The following CSMD1 variants were observed in gnomAD, a reference collection of about 807,000 sequenced individuals.
CSMD1 encodes CUB and sushi domain-containing protein 1.
In CSMD1, 213 loss-of-function variants were observed where a neutral mutation model predicts 417.5. That is an observed-to-expected ratio of 0.51 (90% CI 0.46 to 0.57). The LOEUF (loss-of-function observed/expected upper bound fraction) is 0.57. Ranked by LOEUF, CSMD1 falls within the 20% of genes least tolerant of loss-of-function variation. The pLI, the probability that CSMD1 is intolerant of heterozygous loss-of-function variation, is 0.00. For synonymous variants in CSMD1, 2,862 were observed against 1,736.8 expected, an observed-to-expected ratio of 1.65 and a Z score of -16.11; for missense variants, 6,923 against 4,529.7, an observed-to-expected ratio of 1.53 and a Z score of -15.17.
chr8:3,327,562 C>G (rs74714013), intron 23 of CSMD1, among the ~76,000 whole-genome samples: 1 of 152,122 alleles, frequency 6.6e-6, no homozygotes, highest in Admixed American at 6.5e-5. Context: ...TCTTTCTCCA[C>G]AACTGAATGT....
intron 36 of CSMD1, among the ~76,000 whole-genome samples, chr8:3,184,175 G>A (rs1317560885): frequency 1.3e-5 from 2 of 152,054 alleles, no homozygotes; most frequent in African/African-American, 2.4e-5. Context: ...CTGTATCATA[G>A]GCCTGGGATG....
chr8:4,290,355 C>G (rs372049841), intron 3 of CSMD1, among the ~76,000 whole-genome samples: 3 of 152,114 alleles, frequency 2.0e-5, no homozygotes, highest in East Asian at 1.9e-4. Flanking sequence ...TCTATGACAT[C>G]TGAATGGAGG....
intron 5 of CSMD1, among the ~76,000 whole-genome samples, chr8:3,837,510 G>C (rs949093561): frequency 1.3e-5 from 2 of 152,058 alleles, no homozygotes; most frequent in Admixed American, 1.3e-4. Flanking sequence ...GAGATCCTGA[G>C]GATGCAGAGA....
At chr8:3,468,903 G>A in intron 11 of CSMD1, 79 bp from the exon 12 acceptor site, 1 of 860,114 alleles carries the variant, frequency 1.2e-6, no homozygotes, top group Non-Finnish European at 1.8e-6. Flanking sequence ...GGGTCTTGCT[G>A]CTTTAAACAG....
chr8:3,480,736 A>T (rs972551542), intron 11 of CSMD1, among the ~76,000 whole-genome samples: 1 of 152,194 alleles, frequency 6.6e-6, no homozygotes, highest in East Asian at 1.9e-4. Context: ...TGATTTTCCC[A>T]TTTGGGATCA....
At chr8:4,970,325 G>T (rs920990119) in intron 1 of CSMD1, among the ~76,000 whole-genome samples, 10 of 152,012 alleles carry the variant, frequency 6.6e-5, no homozygotes, top group African/African-American at 2.2e-4. Flanking sequence ...TGTGGCAAGG[G>T]GATGTGTATT....
At chr8:3,681,601 A>G (rs1467948267) in intron 7 of CSMD1, among the ~76,000 whole-genome samples, 1 of 152,240 alleles carries the variant, frequency 6.6e-6, no homozygotes, top group Non-Finnish European at 1.5e-5. Flanking sequence ...TATCGTCAAA[A>G]TGGCCATACT....
intron 11 of CSMD1, among the ~76,000 whole-genome samples, chr8:3,490,612 T>G (rs969901005): frequency 3.3e-5 from 5 of 152,156 alleles, no homozygotes; most frequent in African/African-American, 1.2e-4. Flanking sequence ...AAAAGTTTAT[T>G]ATACATATTT....
chr8:4,489,417 G>C (rs988190476), intron 2 of CSMD1, among the ~76,000 whole-genome samples: 2 of 152,170 alleles, frequency 1.3e-5, no homozygotes, highest in African/African-American at 4.8e-5. Flanking sequence ...ATTCTTCAAA[G>C]TGATGCTCAA....
In CSMD1 at chr8:4,951,989, T is replaced by C. The variant is rs1362292117; in HGVS notation, c.85+42343A>G. ...CAGAGCCAAGCTTCTAAACATAGTT[T>C]ATCTTAAAAGGTTTTAATTATATAT... On this transcript the variant is annotated intron_variant, in intron 1 of 69. Transcript: ENST00000635120. Among the ~76,000 whole-genome samples the C allele has an allele frequency of 2.0e-5, 3 of 151,416 alleles. No homozygotes were observed. In the East Asian group the frequency reaches 5.8e-4, roughly 29 times the overall value.
In CSMD1 at chr8:4,024,195, T is replaced by A. The variant is rs543367466; in HGVS notation, c.610+7710A>T. Among the ~76,000 whole-genome samples the A allele has an allele frequency of 7.2e-5, 11 of 152,232 alleles. No homozygotes were observed. In the South Asian group the frequency reaches 2.1e-3, roughly 29 times the overall value. ...TATTCCAGTTCATAAATATAACAGA[T>A]AGTAAGAAGACATGGGAAACAGAAG... On this transcript the variant is annotated intron_variant, in intron 4 of 69. Transcript: ENST00000635120.
chr8:4,007,502 G>T (rs1816216562), intron 4 of CSMD1, among the ~76,000 whole-genome samples: 2 of 151,690 alleles, frequency 1.3e-5, no homozygotes, highest in Admixed American at 1.3e-4. Context: ...GCCCTCTCTG[G>T]CCACCATATT....
At chr8:3,096,774 G>T in intron 47 of CSMD1, 75 bp downstream of exon 47, 1 of 968,590 alleles carries the variant, frequency 1.0e-6, no homozygotes, top group Non-Finnish European at 1.5e-6. Context: ...CAGTCTTTAT[G>T]TTACTAAAAC....
intron 1 of CSMD1, among the ~76,000 whole-genome samples, chr8:4,816,546 C>G (rs1458178589): frequency 6.6e-6 from 1 of 152,110 alleles, no homozygotes; most frequent in Non-Finnish European, 1.5e-5. Flanking sequence ...GTTTCTTTCT[C>G]ATTTTCATTC....
At chr8:3,050,128 A>C (rs7815055) in intron 50 of CSMD1, among the ~76,000 whole-genome samples, 44,965 of 150,498 alleles carry the variant, frequency 0.3, 6,846 homozygotes, top group East Asian at 0.36. Context: ...AAAACTGATG[A>C]TTGGTCTCCA....
Position 4,526,736 on chromosome 8 carries a change from G to C in CSMD1, c.303-106671C>G, listed in dbSNP as rs185905276. ...ATTGCTTAAATTTGCTTTCATATTTGATAAATAACAGGTTACGTTAGCAGG... is the reference window on the plus strand; with the variant it reads ...ATTGCTTAAATTTGCTTTCATATTTCATAAATAACAGGTTACGTTAGCAGG... On this transcript the variant is annotated intron_variant, in intron 2 of 69. Transcript: ENST00000635120. Among the ~76,000 whole-genome samples, 22 of 152,220 alleles carry C rather than the reference G, an allele frequency of 1.4e-4. 1 individual carries two copies. The highest frequency in any genetic ancestry group is 2.6e-4 in the Admixed American group (4 of 15,292).
chr8:3,052,307 G>A (rs889135496), intron 50 of CSMD1, among the ~76,000 whole-genome samples, 155 bp downstream of exon 50: 4 of 152,140 alleles, frequency 2.6e-5, no homozygotes, highest in Non-Finnish European at 5.9e-5. Context: ...TATTTTATAT[G>A]AAATACATTG....
intron 12 of CSMD1, among the ~76,000 whole-genome samples, chr8:3,425,654 G>C (rs773090591): frequency 6.6e-6 from 1 of 151,918 alleles, no homozygotes; most frequent in Admixed American, 6.6e-5. Context: ...CAGCAGCAGG[G>C]AGCCCAGAGA....
intron 5 of CSMD1, among the ~76,000 whole-genome samples, chr8:3,811,284 G>C (rs1801060115): frequency 6.6e-6 from 1 of 152,198 alleles, no homozygotes; most frequent in Non-Finnish European, 1.5e-5. Context: ...ATAAGTTTAT[G>C]AGCACGGAAA....
Sources: gnomAD v4.1 joint callset for allele counts (sites outside exome capture counted in the v4.1 genomes callset) on GRCh38, gnomAD v4.1.1 for gene constraint, MANE v1.5 for transcripts, NCBI Gene and HGNC (gene_info 2026-07-23, HGNC 2026-07-21) for gene names.